TMCC1: variants seen among roughly 807,000 people sequenced by gnomAD.
TMCC1 encodes transmembrane and coiled-coil domains protein 1.
A neutral mutation model predicts 52.4 loss-of-function variants in TMCC1; 15 were observed. That is an observed-to-expected ratio of 0.29 (90% CI 0.19 to 0.44). The LOEUF (loss-of-function observed/expected upper bound fraction) is 0.44. Among genes scored for constraint, TMCC1 ranks in the 20% least tolerant of loss-of-function variants. The pLI, the probability that TMCC1 is intolerant of heterozygous loss-of-function variation, is 1.00. For missense variants in TMCC1, 503 were observed against 806.0 expected, an observed-to-expected ratio of 0.62 and a Z score of 4.55; for synonymous variants, 279 against 301.9, an observed-to-expected ratio of 0.92 and a Z score of 0.79.
chr3:129,684,255 T>C (rs2089236590), intron 4 of TMCC1, among the ~76,000 whole-genome samples: 1 of 152,178 alleles, frequency 6.6e-6, no homozygotes, highest in South Asian at 2.1e-4. Flanking sequence ...TGCACACCAG[T>C]GTTAACTGAG....
chr3:129,733,246 A>G (rs2050687145), intron 4 of TMCC1, among the ~76,000 whole-genome samples: 1 of 152,214 alleles, frequency 6.6e-6, no homozygotes, highest in African/African-American at 2.4e-5. Context: ...CTGGAGTACA[A>G]TCCAACTCAA....
intron 4 of TMCC1, among the ~76,000 whole-genome samples, chr3:129,759,167 T>A (rs1476650820): frequency 6.6e-6 from 1 of 152,086 alleles, no homozygotes; most frequent in Non-Finnish European, 1.5e-5. Flanking sequence ...CCACCAGATA[T>A]CTCAAAGCAA....
At chr3:129,823,387 C>A (rs955641099) in intron 4 of TMCC1, among the ~76,000 whole-genome samples, 1 of 151,860 alleles carries the variant, frequency 6.6e-6, no homozygotes, top group Non-Finnish European at 1.5e-5. Context: ...GAACATATTC[C>A]CAAAGTTGAT....
intron 4 of TMCC1, among the ~76,000 whole-genome samples, chr3:129,731,927 C>T (rs2050579550): frequency 6.6e-6 from 1 of 152,110 alleles, no homozygotes; most frequent in Non-Finnish European, 1.5e-5. Flanking sequence ...GCCTGGCTTC[C>T]CATATGTTTT....
chr3:129,868,167 T>C (rs1200519180), intron 2 of TMCC1, among the ~76,000 whole-genome samples: 6 of 152,172 alleles, frequency 3.9e-5, no homozygotes, highest in Non-Finnish European at 5.9e-5. Context: ...GGAAAGAATT[T>C]GGAATTCCAA....
chr3:129,722,493 T>C (rs926742000), intron 4 of TMCC1, among the ~76,000 whole-genome samples: 2 of 152,016 alleles, frequency 1.3e-5, no homozygotes, highest in African/African-American at 4.8e-5. Context: ...TAATCTACAC[T>C]CACTCACTCA....
At chr3:129,802,870 C>G (rs541791690) in intron 4 of TMCC1, among the ~76,000 whole-genome samples, 1 of 152,136 alleles carries the variant, frequency 6.6e-6, no homozygotes, top group Non-Finnish European at 1.5e-5. Context: ...TGTTTTAGTC[C>G]ATTTTGTGTT....
chr3:129,728,874 C>A (rs547142828), intron 4 of TMCC1, among the ~76,000 whole-genome samples: 2 of 152,286 alleles, frequency 1.3e-5, no homozygotes, highest in Non-Finnish European at 2.9e-5. Flanking sequence ...CTTTGAGATG[C>A]ATAAAGGATG....
At chr3:129,772,990 C>T (rs577845659) in intron 4 of TMCC1, among the ~76,000 whole-genome samples, 1 of 152,180 alleles carries the variant, frequency 6.6e-6, no homozygotes, top group South Asian at 2.1e-4. Context: ...TAGAATCCAG[C>T]AAAGTTACCC....
chr3:129,889,146 T>C (rs2061850745), intron 1 of TMCC1, among the ~76,000 whole-genome samples: 1 of 151,912 alleles, frequency 6.6e-6, no homozygotes, highest in African/African-American at 2.4e-5. Flanking sequence ...ATGGCACACA[T>C]CTCTGGGCCC....
At chr3:129,787,574 C>A (rs1197801633) in intron 4 of TMCC1, among the ~76,000 whole-genome samples, 6 of 151,988 alleles carry the variant, frequency 3.9e-5, no homozygotes, top group Non-Finnish European at 7.4e-5. Context: ...TTTTCATAGT[C>A]TAATGTAAGC....
intron 4 of TMCC1, among the ~76,000 whole-genome samples, chr3:129,682,824 C>T (rs1011155444): frequency 1.2e-4 from 18 of 152,002 alleles, no homozygotes; most frequent in African/African-American, 4.1e-4. Flanking sequence ...TTTTCCCCTT[C>T]TTGCCAAAGT....
intron 4 of TMCC1, among the ~76,000 whole-genome samples, chr3:129,732,874 C>G (rs1290169024): frequency 6.6e-6 from 1 of 152,200 alleles, no homozygotes; most frequent in African/African-American, 2.4e-5. Context: ...TCTGTACTTT[C>G]TATTAGTATT....
At chr3:129,676,061 A>AT (rs1263041003) in intron 4 of TMCC1, among the ~76,000 whole-genome samples, 1 of 149,736 alleles carries the variant, frequency 6.7e-6, no homozygotes, top group East Asian at 1.9e-4. Flanking sequence ...AAAAAAAAAA[A>AT]TTACAGATGT....
intron 4 of TMCC1, among the ~76,000 whole-genome samples, chr3:129,823,550 C>CA (rs1488219706): frequency 2.0e-5 from 3 of 152,082 alleles, no homozygotes; most frequent in African/African-American, 7.3e-5. Context: ...TTTTAACAAA[C>CA]ACCGACTTAG....
intron 4 of TMCC1, among the ~76,000 whole-genome samples, chr3:129,673,717 G>A (rs1422538175): frequency 1.3e-5 from 2 of 152,148 alleles, no homozygotes; most frequent in Admixed American, 6.5e-5. Context: ...TGGGCATGGT[G>A]GCACATGCCT....
chr3:129,687,145 T>G (rs1425671582), intron 4 of TMCC1, among the ~76,000 whole-genome samples: 1 of 152,112 alleles, frequency 6.6e-6, no homozygotes, highest in Non-Finnish European at 1.5e-5. Context: ...TTACAAGGCT[T>G]ACATAACCAA....
Position 129,885,887 on chromosome 3 carries a change from C to T in TMCC1, c.-434-5328G>A, listed in dbSNP as rs78703693. 1.9e-4 allele frequency among the ~76,000 whole-genome samples: 29 copies of T among 151,688 alleles called. No individual in the cohort carries two copies. In the East Asian group the frequency reaches 2.6e-3, roughly 13 times the overall value. On this transcript the variant is annotated intron_variant, in intron 1 of 6. Transcript: ENST00000393238. Reference sequence around the variant, plus strand: ...CCTCCCGAGTAGCTGGGATTACAGGCGCCCACGACCACGCCCAGCTAATTT... The same window carrying T: ...CCTCCCGAGTAGCTGGGATTACAGGTGCCCACGACCACGCCCAGCTAATTT...
chr3:129,753,945 TAC>T (rs1420062118), intron 4 of TMCC1, among the ~76,000 whole-genome samples: 13 of 136,674 alleles, frequency 9.5e-5, no homozygotes, highest in Non-Finnish European at 1.2e-4. Flanking sequence ...GCTAAGAATC[TAC>T]AAAAAAAAAA....
Sources: allele counts gnomAD v4.1 joint callset (sites outside exome capture counted in the v4.1 genomes callset), GRCh38; gene constraint gnomAD v4.1.1; transcripts MANE v1.5; gene names NCBI Gene and HGNC (gene_info 2026-07-23, HGNC 2026-07-21).